The following IL12RB1 variants were observed in gnomAD, a reference collection of about 807,000 sequenced individuals.
IL12RB1 encodes interleukin-12 receptor subunit beta-1.
A neutral mutation model predicts 94.4 loss-of-function variants in IL12RB1; 64 were observed. The ratio of observed to expected loss-of-function variants is 0.68; its 90% CI spans 0.55 to 0.83. The LOEUF is 0.83. Among genes scored for constraint, IL12RB1 ranks in the 40% least tolerant of loss-of-function variants. IL12RB1 has a pLI of 0.00. For missense variants in IL12RB1, 814 were observed against 855.6 expected, an observed-to-expected ratio of 0.95 and a Z score of 0.61; for synonymous variants, 362 against 355.5, an observed-to-expected ratio of 1.02 and a Z score of -0.21.
chr19:18,079,253 G>A (rs377732814), intron 4 of IL12RB1, among the ~76,000 whole-genome samples: 8 of 151,564 alleles, frequency 5.3e-5, no homozygotes, highest in East Asian at 1.9e-4. Context: ...ACAGGCGCCC[G>A]CCACCACACT....
At chr19:18,082,092 G>A in intron 3 of IL12RB1, 58 bp downstream of exon 3, 1 of 1,049,408 alleles carries the variant, frequency 9.5e-7, no homozygotes, top group Admixed American at 1.8e-5. Context: ...CACCAGAGGG[G>A]GTTGAAGCAA....
Position 18,084,691 on chromosome 19 carries a change from ATCCATC to A in IL12RB1, c.65-1206_65-1201del, listed in dbSNP as rs1357031204. On this transcript the variant is annotated intron_variant, in intron 1 of 16. Transcript: ENST00000593993. ...CATCCATCCATCCATCCATCCATCC[ATCCATC>A]CATACATACATACATGTATTTATTA... Among the ~76,000 whole-genome samples the A allele has an allele frequency of 2.9e-3, 434 of 151,880 alleles. 3 individuals carry two copies. Among genetic ancestry groups the A allele is most frequent in the African/African-American group, 8.1e-3 (337 of 41,360 alleles).
intron 1 of IL12RB1, among the ~76,000 whole-genome samples, chr19:18,096,975 G>A (rs554726772): frequency 4.6e-5 from 7 of 152,026 alleles, no homozygotes; most frequent in Non-Finnish European, 8.8e-5. Context: ...TGAGATCCCC[G>A]TCTCTAAAAA....
intron 1 of IL12RB1, chr19:18,098,663 A>G (rs2037244394): frequency 2.2e-6 from 1 of 454,788 alleles, no homozygotes; most frequent in Middle Eastern, 3.3e-4. Flanking sequence ...AAAAACAGGA[A>G]TTAAGATTTG....
intron 5 of IL12RB1, 110 bp downstream of exon 5, chr19:18,077,406 G>A (rs2035566444): frequency 1.2e-6 from 1 of 832,044 alleles, no homozygotes; most frequent in Admixed American, 2.0e-5. Context: ...AGGGGCTAGA[G>A]TGGGGGCTGG....
rs1265491160 is a variant in IL12RB1, at chr19:18,069,678, C to A, written c.1057G>T (p.Gly353Trp). 1.2e-6 allele frequency: 2 copies of A among 1,612,750 alleles called. No homozygotes were observed. The highest frequency in any genetic ancestry group is 1.7e-6 in the Non-Finnish European group (2 of 1,179,220). Reference sequence around the variant, plus strand: ...CGGGCTGGCCAATACATGGTGGTCCCGTTGGTTCCGACGCTGATATTCAGA... The same window carrying A: ...CGGGCTGGCCAATACATGGTGGTCCAGTTGGTTCCGACGCTGATATTCAGA... ...VALNISVGTN[G>W]TTMYWPARAQ... is the part of the protein sequence containing the mutation. Residue 353 changes from glycine (G) to tryptophan (W), a missense_variant, in exon 10 of 17, where the codon GGG becomes TGG. Coordinates refer to ENST00000593993, the MANE Select transcript of IL12RB1 (RefSeq NM_005535.3).
In IL12RB1 at chr19:18,072,294, A is replaced by T; in HGVS notation, c.839T>A (p.Val280Asp). Reference protein sequence around the residue: ...GCQGLAPGTEVTYRLQLHMLS... With the variant: ...GCQGLAPGTEDTYRLQLHMLS... ...CATGTGGAGCTGTAGTCGGTAAGTG[A>T]CCTCCGTGCCAGGCGCCAGCCCTTG... The change falls in exon 9 of 17, where the codon GTC becomes GAC. Residue 280 changes from valine (V) to aspartate (D), a missense_variant. Coordinates refer to ENST00000593993, the MANE Select transcript of IL12RB1 (RefSeq NM_005535.3). 6.2e-7 allele frequency: 1 copy of T among 1,613,788 alleles called. No homozygotes were observed. The highest frequency in any genetic ancestry group is 8.5e-7 in the Non-Finnish European group (1 of 1,179,938).
At position 18,066,637 on chromosome 19, in the gene IL12RB1, G is replaced by A. The variant is rs779133340; in HGVS notation, c.1388C>T (p.Ser463Phe). Residue 463 changes from serine to phenylalanine, a missense_variant, in exon 12 of 17, where the codon TCT becomes TTT. Physicochemically the swap from Ser to Phe is radical, Grantham distance 155 (BLOSUM62 -2). Transcript: ENST00000593993. ...CAGCAGGGATGGTGCCCAGTCCACA[G>A]ACACAGAGTCCAAGCTATGATTCTT... is the stretch of plus-strand genomic sequence containing the variant. ...SVKNHSLDSV[S>F]VDWAPSLLST... is the part of the protein sequence containing the mutation. The A allele has an allele frequency of 1.2e-6, 2 of 1,611,908 alleles. No individual in the cohort carries two copies. The highest frequency in any genetic ancestry group is 2.7e-5 in the African/African-American group (2 of 74,904).
At chr19:18,079,531 C>G (rs920016597) in intron 4 of IL12RB1, among the ~76,000 whole-genome samples, 1 of 152,144 alleles carries the variant, frequency 6.6e-6, no homozygotes, top group African/African-American at 2.4e-5. Flanking sequence ...ACCTACATCT[C>G]CCCCATTTCC....
rs1182760500 is a variant in IL12RB1, at chr19:18,072,115, T to G, written c.1018A>C (p.Thr340Pro). 1.2e-6 allele frequency: 2 copies of G among 1,603,816 alleles called. No individual in the cohort carries two copies. Among genetic ancestry groups the G allele is most frequent in the Non-Finnish European group, 1.7e-6 (2 of 1,170,766 alleles). ...CCTCCCCACCCAGAGGAGGCACCTGTGTGGGTGTCGGCAGGAATGTGCCAC... is the reference window on the plus strand; with the variant it reads ...CCTCCCCACCCAGAGGAGGCACCTGGGTGGGTGTCGGCAGGAATGTGCCAC... The part of the protein sequence containing the change: ...QTWHIPADTH[T>P]EPVALNISVG... The change falls in exon 9 of 17, where the codon ACA becomes CCA. Residue 340 changes from threonine to proline, a missense_variant. Physicochemically the swap from Thr to Pro is conservative, Grantham distance 38. Coordinates refer to ENST00000593993, the MANE Select transcript of IL12RB1 (RefSeq NM_005535.3).
In IL12RB1 at chr19:18,059,913, C is replaced by G. The variant is rs750881845; in HGVS notation, c.1964G>C (p.Gly655Ala). ...CAGGACCTTGGCCTTGCACCTGTCT[C>G]CATCCTCCAAGGACAACTCTGTATC... is the stretch of plus-strand genomic sequence containing the variant. The part of the protein sequence containing the change: ...ALDTELSLED[G>A]DRCKAKM The change falls in exon 16 of 17, where the codon GGA (glycine) becomes GCA (alanine). Residue 655 changes from glycine to alanine, a missense_variant. Coordinates refer to ENST00000593993, the MANE Select transcript of IL12RB1 (RefSeq NM_005535.3). The G allele has an allele frequency of 1.8e-5, 29 of 1,584,530 alleles. No homozygotes were observed. The highest frequency in any genetic ancestry group is 2.5e-5 in the Non-Finnish European group (29 of 1,164,922).
intron 1 of IL12RB1, among the ~76,000 whole-genome samples, chr19:18,085,870 T>G (rs550963323): frequency 6.7e-6 from 1 of 149,052 alleles, no homozygotes; most frequent in Admixed American, 6.7e-5. Flanking sequence ...TGGCCTCCCA[T>G]AGTGCTGGAT....
Position 18,069,666 on chromosome 19 carries a change from A to G in IL12RB1, c.1069T>C (p.Tyr357His), listed in dbSNP as rs766080270. The part of the protein sequence containing the change: ...ISVGTNGTTM[Y>H]WPARAQSMTY... ...ATGCTCTGAGCCCGGGCTGGCCAATACATGGTGGTCCCGTTGGTTCCGACG... is the reference window on the plus strand; with the variant it reads ...ATGCTCTGAGCCCGGGCTGGCCAATGCATGGTGGTCCCGTTGGTTCCGACG... Residue 357 changes from tyrosine (Y) to histidine (H), a missense_variant, in exon 10 of 17, where the codon TAT (tyrosine) becomes CAT (histidine). Physicochemically the swap from Tyr to His is moderately conservative, Grantham distance 83 (BLOSUM62 2). Coordinates refer to ENST00000593993, the MANE Select transcript of IL12RB1 (RefSeq NM_005535.3). 32 of 1,612,920 alleles carry G rather than the reference A, an allele frequency of 2.0e-5. No individual in the cohort carries two copies. The highest frequency in any genetic ancestry group is 2.4e-5 in the Non-Finnish European group (28 of 1,179,218).
Position 18,082,156 on chromosome 19 carries a change from C to T in IL12RB1, c.233G>A (p.Arg78Gln), listed in dbSNP as rs1357460137. Residue 78 changes from arginine (R) to glutamine (Q), a missense_variant, in exon 3 of 17, where the codon CGG (arginine) becomes CAG (glutamine). By Grantham distance (43) the Arg-to-Gln change is conservative. Coordinates refer to ENST00000593993, the MANE Select transcript of IL12RB1 (RefSeq NM_005535.3). ...GPTAGVSHFL[R>Q]CCLSSGRCCY... The stretch of plus-strand genomic sequence containing the variant: ...ATGGTAGAGGGGTCCTCACCAACAC[C>T]GCAGGAAGTGGCTGACCCCAGCTGT... 2.1e-5 allele frequency: 33 copies of T among 1,602,574 alleles called. No individual in the cohort carries two copies. Among genetic ancestry groups the T allele is most frequent in the Non-Finnish European group, 2.7e-5 (32 of 1,169,928 alleles).
intron 4 of IL12RB1, 113 bp downstream of exon 4, chr19:18,080,719 G>A: frequency 1.3e-6 from 1 of 790,606 alleles, no homozygotes; most frequent in Non-Finnish European, 2.3e-6. Flanking sequence ...AAGTGACAAT[G>A]GCTAGTAGTA....
At chr19:18,073,670 T>C in intron 7 of IL12RB1, 71 bp from the exon 8 acceptor site, 1 of 928,898 alleles carries the variant, frequency 1.1e-6, no homozygotes, top group Non-Finnish European at 1.8e-6. Flanking sequence ...TCTTTGTAAA[T>C]GATGGATTCT....
intron 8 of IL12RB1, among the ~76,000 whole-genome samples, chr19:18,072,982 G>T (rs1190435181): frequency 6.6e-6 from 1 of 151,144 alleles, no homozygotes; most frequent in Non-Finnish European, 1.5e-5. Context: ...AAAAGAAGAG[G>T]AATTTGAGTT....
chr19:18,064,796 G>A (rs2034456609), intron 12 of IL12RB1, among the ~76,000 whole-genome samples: 1 of 152,132 alleles, frequency 6.6e-6, no homozygotes, highest in African/African-American at 2.4e-5. Flanking sequence ...CTTTGGGCAG[G>A]TGGATCTGAG....
At position 18,086,904 on chromosome 19, in the gene IL12RB1, A is replaced by G. The variant is rs772152444; in HGVS notation, c.-81T>C. The G allele has an allele frequency of 6.4e-7, 1 of 1,572,410 alleles. No homozygotes were observed. The highest frequency in any genetic ancestry group is 8.6e-7 in the Non-Finnish European group (1 of 1,157,948). On this transcript the variant is annotated 5_prime_UTR_variant, in exon 1 of 17. Transcript: ENST00000593993. ...TCAGCCACCCCGTCCCCACTCCGGA[A>G]CACATTGAAGCTGAGCAAGGAGAAA...
Sources: allele counts gnomAD v4.1 joint callset (sites outside exome capture counted in the v4.1 genomes callset), GRCh38; gene constraint gnomAD v4.1.1; transcripts MANE v1.5; gene names NCBI Gene and HGNC (gene_info 2026-07-23, HGNC 2026-07-21).